The following PDZD2 variants were observed in gnomAD, a reference collection of about 807,000 sequenced individuals.
The protein encoded by PDZD2 is PDZ domain containing 2.
Under a neutral mutation model 220.7 loss-of-function variants are expected in PDZD2, and 90 were observed. That is an observed-to-expected ratio of 0.41 (90% CI 0.34 to 0.49). The LOEUF (loss-of-function observed/expected upper bound fraction) is 0.49, where lower values mean the gene tolerates loss of function less well. Among genes scored for constraint, PDZD2 ranks in the 20% least tolerant of loss-of-function variants. The pLI is 0.28. For missense variants in PDZD2, 3,174 were observed against 3,608.5 expected (o/e 0.88, Z 3.08); for synonymous variants, 1,375 against 1,450.5 (o/e 0.95, Z 1.18).
intron 2 of PDZD2, among the ~76,000 whole-genome samples, chr5:31,982,695 T>C (rs773511162): frequency 6.6e-6 from 1 of 152,250 alleles, no homozygotes; most frequent in Non-Finnish European, 1.5e-5. Context: ...TATTTGCTCC[T>C]AAGAGCAGAA....
At chr5:31,905,926 T>C (rs1405289008) in intron 2 of PDZD2, among the ~76,000 whole-genome samples, 2 of 152,084 alleles carry the variant, frequency 1.3e-5, no homozygotes, top group Non-Finnish European at 2.9e-5. Context: ...CCCTCCCCCA[T>C]TCTTGCCTAA....
At chr5:31,739,625 C>A (rs1750130890) in intron 1 of PDZD2, among the ~76,000 whole-genome samples, 1 of 152,178 alleles carries the variant, frequency 6.6e-6, no homozygotes, top group African/African-American at 2.4e-5. Context: ...AAATTCAAGA[C>A]ACTATTGTAA....
At chr5:31,950,060 T>C (rs1240195280) in intron 2 of PDZD2, among the ~76,000 whole-genome samples, 3 of 152,148 alleles carry the variant, frequency 2.0e-5, no homozygotes, top group African/African-American at 4.8e-5. Context: ...TATTACCTCC[T>C]CCGGTGATGT....
At chr5:31,797,625 G>A (rs764290290) in intron 1 of PDZD2, among the ~76,000 whole-genome samples, 1 of 152,098 alleles carries the variant, frequency 6.6e-6, no homozygotes, top group Non-Finnish European at 1.5e-5. Flanking sequence ...GAGCCACCGC[G>A]CCCAGCCTTG....
chr5:31,831,127 C>A (rs1756556918), intron 2 of PDZD2, among the ~76,000 whole-genome samples: 1 of 152,202 alleles, frequency 6.6e-6, no homozygotes, highest in African/African-American at 2.4e-5. Flanking sequence ...GTGATATGGA[C>A]ATTTGAAAGT....
chr5:32,039,953 T>C (rs1417612547), intron 7 of PDZD2, among the ~76,000 whole-genome samples: 1 of 119,976 alleles, frequency 8.3e-6, no homozygotes, highest in Non-Finnish European at 1.7e-5. Context: ...GCTGCCCGAA[T>C]GGGAAGTGAG....
At chr5:31,965,070 G>A (rs1345750995) in intron 2 of PDZD2, among the ~76,000 whole-genome samples, 1 of 152,180 alleles carries the variant, frequency 6.6e-6, no homozygotes, top group African/African-American at 2.4e-5. Flanking sequence ...ATAGGGCTCC[G>A]ATGAGTGGAG....
Position 32,080,273 on chromosome 5 carries a change from G to A in PDZD2, c.3682+2667G>A, listed in dbSNP as rs991323650. ...TGAGGCAGGAGAATGGTGTGAACCCGGGAGGTGGAGCTTGCAGCGAGCTGA... is the reference window on the plus strand; with the variant it reads ...TGAGGCAGGAGAATGGTGTGAACCCAGGAGGTGGAGCTTGCAGCGAGCTGA... On this transcript the variant is annotated intron_variant, in intron 19 of 24. Coordinates refer to ENST00000438447, the MANE Select transcript of PDZD2 (RefSeq NM_178140.4). 2.7e-5 allele frequency among the ~76,000 whole-genome samples: 4 copies of A among 150,302 alleles called. No homozygotes were observed. The Admixed American group carries it at 2.7e-4, about 10-fold the overall frequency.
At chr5:32,082,904 G>A (rs954604817) in intron 19 of PDZD2, among the ~76,000 whole-genome samples, 2 of 152,210 alleles carry the variant, frequency 1.3e-5, no homozygotes, top group Non-Finnish European at 2.9e-5. Flanking sequence ...AGAACGAGAG[G>A]AGGTGGTAGC....
chr5:31,829,873 C>T (rs984723561), intron 2 of PDZD2, among the ~76,000 whole-genome samples: 3 of 151,656 alleles, frequency 2.0e-5, no homozygotes, highest in African/African-American at 7.3e-5. Flanking sequence ...ATGGTGAAAC[C>T]CTGTCTGTAC....
chr5:31,686,711 T>G (rs1274776932), intron 1 of PDZD2, among the ~76,000 whole-genome samples: 1 of 152,280 alleles, frequency 6.6e-6, no homozygotes, highest in Non-Finnish European at 1.5e-5. Flanking sequence ...AAAGTTTTGA[T>G]GTATCTATGT....
chr5:32,078,313 A>G (rs1741523670), intron 19 of PDZD2, among the ~76,000 whole-genome samples: 1 of 152,214 alleles, frequency 6.6e-6, no homozygotes, highest in Non-Finnish European at 1.5e-5. Flanking sequence ...ATTAAGTAAC[A>G]TCGTGGAGGC....
Position 31,799,131 on chromosome 5 carries a change from G to T in PDZD2, c.-118G>T. ...TGTCCCTAGGCTCATCTGCCAGCCT[G>T]AACATGAACACAGGCAAAGCTGATG... is the stretch of plus-strand genomic sequence containing the variant. On this transcript the variant is annotated 5_prime_UTR_variant, in exon 2 of 25. Transcript: ENST00000438447. The T allele has an allele frequency of 1.5e-6, 1 of 659,220 alleles. No individual in the cohort carries two copies. Among genetic ancestry groups the T allele is most frequent in the South Asian group, 1.9e-5 (1 of 52,314 alleles). The allele number at this position is 659,220 out of a possible 1,614,324, so 40.8% of individuals were successfully genotyped here. A position where few individuals can be genotyped will look rare whatever the true frequency, so the allele number is the denominator to read the frequency against.
At chr5:32,015,305 G>A (rs1015039117) in intron 6 of PDZD2, among the ~76,000 whole-genome samples, 7 of 151,876 alleles carry the variant, frequency 4.6e-5, no homozygotes, top group African/African-American at 1.7e-4. Flanking sequence ...GAAGTGCAGT[G>A]GTGTGATCAT....
At chr5:31,844,940 G>GAACAAGTTTCTTTAAACAAGA (rs761047851) in intron 2 of PDZD2, among the ~76,000 whole-genome samples, 5,784 of 152,104 alleles carry the variant, frequency 0.038, 169 homozygotes, top group Non-Finnish European at 0.052. Context: ...CTGTGAGTGG[G>GAACAAGTTTCTTTAAACAAGA]AACAAGTTTC....
intron 2 of PDZD2, among the ~76,000 whole-genome samples, chr5:31,954,285 T>C (rs2111637171): frequency 6.6e-6 from 1 of 152,356 alleles, no homozygotes; most frequent in Non-Finnish European, 1.5e-5. Flanking sequence ...GTTCTTGCCG[T>C]AGTACATAAA....
chr5:31,923,698 T>C (rs148362002), intron 2 of PDZD2, among the ~76,000 whole-genome samples: 2 of 152,238 alleles, frequency 1.3e-5, no homozygotes, highest in African/African-American at 4.8e-5. Context: ...TAACTTATGA[T>C]AGAATGTATC....
intron 1 of PDZD2, among the ~76,000 whole-genome samples, chr5:31,790,364 C>T (rs1753630398): frequency 1.3e-5 from 2 of 152,222 alleles, no homozygotes; most frequent in Admixed American, 6.5e-5. Context: ...TCCCAAAGTG[C>T]TGGGATTACA....
intron 1 of PDZD2, among the ~76,000 whole-genome samples, chr5:31,785,758 T>C (rs1474933829): frequency 1.1e-3 from 167 of 152,084 alleles, no homozygotes; most frequent in Non-Finnish European, 1.9e-4. Context: ...GTCTTTTAAC[T>C]GTGCACATGC....
Sources: allele counts gnomAD v4.1 joint callset (sites outside exome capture counted in the v4.1 genomes callset), GRCh38; gene constraint gnomAD v4.1.1; transcripts MANE v1.5; gene names NCBI Gene and HGNC (gene_info 2026-07-23, HGNC 2026-07-21).